The following PEAK1 variants were observed in gnomAD, a reference collection of about 807,000 sequenced individuals.
The protein encoded by PEAK1 is inactive tyrosine-protein kinase PEAK1.
In PEAK1, 54 loss-of-function variants were observed where a neutral mutation model predicts 124.7. The observed-to-expected ratio is 0.43, with a 90% CI of 0.35 to 0.54. The LOEUF (loss-of-function observed/expected upper bound fraction) is 0.54, where lower values mean the gene tolerates loss of function less well. Ranked by LOEUF, PEAK1 falls within the 20% of genes least tolerant of loss-of-function variation. PEAK1 has a pLI of 0.01. For synonymous variants in PEAK1, 719 were observed against 760.0 expected (o/e 0.95, Z 0.89); for missense variants, 2,046 against 2,134.5 (o/e 0.96, Z 0.82).
intron 5 of PEAK1, among the ~76,000 whole-genome samples, chr15:77,269,547 T>G (rs2061921173): frequency 6.6e-6 from 1 of 152,130 alleles, no homozygotes; most frequent in African/African-American, 2.4e-5. Flanking sequence ...AGAAATTAGA[T>G]AGGCAACAAC....
At chr15:77,344,187 CG>C (rs1225037276) in intron 2 of PEAK1, among the ~76,000 whole-genome samples, 4 of 152,148 alleles carry the variant, frequency 2.6e-5, no homozygotes, top group African/African-American at 9.7e-5. Context: ...CTCCGCCTCC[CG>C]GGTTCACGCC....
chr15:77,336,640 TC>T (rs1046926700), intron 2 of PEAK1: 45 of 609,956 alleles, frequency 7.4e-5, no homozygotes, highest in Non-Finnish European at 8.2e-5. Flanking sequence ...ATAATGGACA[TC>T]CAACAACAGA....
upstream of PEAK1, chr15:77,420,578 A>C: frequency 3.5e-5 from 10 of 285,510 alleles, no homozygotes; most frequent in Non-Finnish European, 3.9e-5. Flanking sequence ...GCTAATATGT[A>C]GTCATGACCA....
At chr15:77,362,136 T>C (rs1356788201) in intron 2 of PEAK1, among the ~76,000 whole-genome samples, 2 of 152,168 alleles carry the variant, frequency 1.3e-5, no homozygotes, top group Non-Finnish European at 1.5e-5. Flanking sequence ...AACAGTAATA[T>C]GTAGTTTCAA....
chr15:77,332,412 A>G (rs1443190555), intron 2 of PEAK1: 1 of 268,948 alleles, frequency 3.7e-6, no homozygotes, highest in Non-Finnish European at 5.7e-6. Context: ...ATCCTGGCTA[A>G]CACGGTGAAA....
rs185291204 is a variant in PEAK1, at chr15:77,358,148, C to T, written c.-603+7015G>A. Among the ~76,000 whole-genome samples, 226 of 152,128 alleles carry T rather than the reference C, an allele frequency of 1.5e-3. 1 individual carries two copies. Among genetic ancestry groups the T allele is most frequent in the Non-Finnish European group, 2.8e-3 (191 of 67,982 alleles). On this transcript the variant is annotated intron_variant, in intron 2 of 9. Transcript: ENST00000682557. Reference sequence around the variant, plus strand: ...TGCAATCTGCCATTTCTGCAAGGAGCCTGTTCTATTATTCTCCTCTCTCTC... The same window carrying T: ...TGCAATCTGCCATTTCTGCAAGGAGTCTGTTCTATTATTCTCCTCTCTCTC...
intron 5 of PEAK1, among the ~76,000 whole-genome samples, chr15:77,276,304 C>T (rs2062323018): frequency 6.6e-6 from 1 of 152,114 alleles, no homozygotes; most frequent in Admixed American, 6.6e-5. Flanking sequence ...AGTCAAACTT[C>T]TGAAAACTGA....
intron 1 of PEAK1, among the ~76,000 whole-genome samples, chr15:77,396,723 T>C (rs200741427): frequency 6.6e-6 from 1 of 152,076 alleles, no homozygotes; most frequent in Non-Finnish European, 1.5e-5. Flanking sequence ...CAATTAGATA[T>C]AACAATTGCA....
intron 5 of PEAK1, among the ~76,000 whole-genome samples, chr15:77,271,223 G>T (rs139227353): frequency 6.6e-6 from 1 of 152,040 alleles, no homozygotes; most frequent in Non-Finnish European, 1.5e-5. Flanking sequence ...AAACTAAACC[G>T]CAATGAGATA....
intron 3 of PEAK1, among the ~76,000 whole-genome samples, chr15:77,285,291 G>T (rs1263112402): frequency 6.6e-6 from 1 of 152,106 alleles, no homozygotes; most frequent in Admixed American, 6.6e-5. Context: ...ATAGTGTCTA[G>T]CACATAGTAA....
intron 6 of PEAK1, among the ~76,000 whole-genome samples, chr15:77,217,835 T>G (rs910787150): frequency 6.6e-6 from 1 of 152,194 alleles, no homozygotes; most frequent in Non-Finnish European, 1.5e-5. Flanking sequence ...TGGAAGTCTC[T>G]TCATATTTTT....
At chr15:77,382,109 T>C (rs557297212) in intron 1 of PEAK1, among the ~76,000 whole-genome samples, 5 of 152,160 alleles carry the variant, frequency 3.3e-5, no homozygotes, top group Admixed American at 1.3e-4. Context: ...ACTCATACCC[T>C]CCCTCCCTCC....
chr15:77,186,504 T>C (rs1168823578), intron 6 of PEAK1, among the ~76,000 whole-genome samples: 1 of 152,248 alleles, frequency 6.6e-6, no homozygotes, highest in East Asian at 1.9e-4. Context: ...CCATGTTGCA[T>C]ATGACATTCG....
At chr15:77,393,684 C>A (rs919929097) in intron 1 of PEAK1, among the ~76,000 whole-genome samples, 33 of 152,178 alleles carry the variant, frequency 2.2e-4, no homozygotes, top group African/African-American at 8.0e-4. Context: ...CATGACCTAA[C>A]ACCTCATACA....
chr15:77,207,524 T>C (rs1019304121), intron 6 of PEAK1, among the ~76,000 whole-genome samples: 2 of 152,086 alleles, frequency 1.3e-5, no homozygotes, highest in Non-Finnish European at 2.9e-5. Flanking sequence ...GACAAAGACA[T>C]AGAAGAACCT....
intron 5 of PEAK1, among the ~76,000 whole-genome samples, chr15:77,258,473 T>A (rs1018723753): frequency 6.6e-6 from 1 of 152,204 alleles, no homozygotes; most frequent in Non-Finnish European, 1.5e-5. Context: ...CTAGGTATTG[T>A]ATTCTCTTTG....
At chr15:77,404,950 A>G (rs556014935) in intron 1 of PEAK1, among the ~76,000 whole-genome samples, 2 of 152,184 alleles carry the variant, frequency 1.3e-5, no homozygotes, top group Admixed American at 1.3e-4. Flanking sequence ...TACTGCATTC[A>G]TTATAACTGA....
intron 2 of PEAK1, chr15:77,330,896 T>A (rs1017843242): frequency 2.6e-6 from 1 of 388,634 alleles, no homozygotes; most frequent in African/African-American, 2.2e-5. Flanking sequence ...CCTGTTTTGT[T>A]TTTTCCTCAC....
At chr15:77,417,463 G>GGT (rs1555506197) in intron 1 of PEAK1, 6 of 855,720 alleles carry the variant, frequency 7.0e-6, no homozygotes, top group Non-Finnish European at 8.4e-6. Flanking sequence ...GCGGGGCGGG[G>GGT]GGGGAGGGGG....
Sources: allele counts gnomAD v4.1 joint callset (sites outside exome capture counted in the v4.1 genomes callset), GRCh38; gene constraint gnomAD v4.1.1; transcripts MANE v1.5; gene names NCBI Gene and HGNC (gene_info 2026-07-23, HGNC 2026-07-21).